LRGUK: variants seen among roughly 807,000 people sequenced by gnomAD.
LRGUK encodes leucine rich repeats and guanylate kinase domain containing.
Under a neutral mutation model 76.0 loss-of-function variants are expected in LRGUK, and 65 were observed. The observed-to-expected ratio is 0.85, with a 90% CI of 0.70 to 1.05. LRGUK has a LOEUF of 1.05. LRGUK is among the 50% of genes least tolerant of loss of function. The pLI, the probability that LRGUK is intolerant of heterozygous loss-of-function variation, is 0.00. For missense variants in LRGUK, 758 were observed against 732.8 expected (o/e 1.03, Z -0.40); for synonymous variants, 268 against 265.6 (o/e 1.01, Z -0.09).
At chr7:134,209,644 C>T in exon 16 of LRGUK, 1 of 399,276 alleles carries the variant, frequency 2.5e-6, no homozygotes, top group Non-Finnish European at 4.4e-6. Flanking sequence ...TAGGAACAAC[C>T]TCCCATCAAA....
intron 16 of LRGUK, among the ~76,000 whole-genome samples, chr7:134,229,689 A>C (rs1801848212): frequency 6.6e-6 from 1 of 152,194 alleles, no homozygotes; most frequent in Non-Finnish European, 1.5e-5. Context: ...TATGTATCTG[A>C]AAATGCTGGT....
At chr7:134,222,815 G>A (rs1801635572) in intron 16 of LRGUK, among the ~76,000 whole-genome samples, 1 of 151,924 alleles carries the variant, frequency 6.6e-6, no homozygotes, top group Non-Finnish European at 1.5e-5. Context: ...TCTTGTTGGT[G>A]AGGCTCTCCC....
chr7:134,225,125 GAAAAAAAAA>G lies in LRGUK; in HGVS notation c.1983+3223_1983+3231del, dbSNP rs769671717. ...GGCTGGGGACAGGGGAACAGAACTG[GAAAAAAAAA>G]AAAAAAAAAAAAAAACCCACTCTGT... On this transcript the variant is annotated intron_variant, in intron 16 of 19. Transcript: ENST00000285928. Among the ~76,000 whole-genome samples, 409 of 60,892 alleles carry G rather than the reference GAAAAAAAAA, an allele frequency of 6.7e-3. 1 individual carries two copies. The highest frequency in any genetic ancestry group is 0.023 in the Middle Eastern group (2 of 86). 39.9% of individuals were successfully genotyped at this position (60,892 alleles called of 152,430 possible). A position where few individuals can be genotyped will look rare whatever the true frequency, so the allele number is the denominator to read the frequency against.
chr7:134,162,826 CAAAAAAAAAAAAAA>C (rs11445116), intron 6 of LRGUK, among the ~76,000 whole-genome samples: 1 of 61,180 alleles, frequency 1.6e-5, no homozygotes, highest in African/African-American at 6.6e-5. Context: ...GACTCCTTCT[CAAAAAAAAAAAAAA>C]AAAAAAAAAA....
intron 18 of LRGUK, among the ~76,000 whole-genome samples, chr7:134,251,518 GT>G (rs1802445094): frequency 6.6e-6 from 1 of 152,168 alleles, no homozygotes; most frequent in South Asian, 2.1e-4. Flanking sequence ...ATGGTATCTT[GT>G]TATGGCAGCC....
At chr7:134,254,413 A>G (rs960725819) in intron 18 of LRGUK, among the ~76,000 whole-genome samples, 1 of 152,150 alleles carries the variant, frequency 6.6e-6, no homozygotes, top group Non-Finnish European at 1.5e-5. Context: ...GACAACACAC[A>G]TTTATTTCTC....
chr7:134,163,884 GA>G (rs2116935847), intron 7 of LRGUK, among the ~76,000 whole-genome samples: 1 of 152,252 alleles, frequency 6.6e-6, no homozygotes, highest in East Asian at 1.9e-4. Context: ...GGAGGTTGGA[GA>G]TATAAGAATA....
chr7:134,201,302 A>C (rs1800757000), intron 14 of LRGUK, among the ~76,000 whole-genome samples, 179 bp from the exon 15 acceptor site: 1 of 152,128 alleles, frequency 6.6e-6, no homozygotes, highest in Admixed American at 6.5e-5. Context: ...TTCTGCCCAC[A>C]CTTAAGGGGA....
intron 10 of LRGUK, among the ~76,000 whole-genome samples, chr7:134,183,100 G>A (rs1406873224): frequency 6.6e-6 from 1 of 152,202 alleles, no homozygotes; most frequent in Non-Finnish European, 1.5e-5. Flanking sequence ...CCAGTCTTCA[G>A]GCTTGGCAGC....
chr7:134,192,471 ATTTG>A (rs991650310), intron 12 of LRGUK, among the ~76,000 whole-genome samples: 3 of 152,148 alleles, frequency 2.0e-5, no homozygotes, highest in African/African-American at 7.2e-5. Flanking sequence ...GGGTTTTTGC[ATTTG>A]TTTGTTTTTT....
At chr7:134,268,801 A>T (rs1802908594), downstream of LRGUK, among the ~76,000 whole-genome samples, 1 of 133,020 alleles carries the variant, frequency 7.5e-6, no homozygotes, top group Non-Finnish European at 1.5e-5. Context: ...GCCATCTCCA[A>T]TCACTGCAAG....
chr7:134,158,144 C>A, exon 6 of LRGUK: 1 of 1,612,354 alleles, frequency 6.2e-7, no homozygotes, highest in South Asian at 1.1e-5. Flanking sequence ...AGTTACCAAT[C>A]AAAATACTTT....
At chr7:134,146,683 T>C (rs1235348161) in intron 4 of LRGUK, among the ~76,000 whole-genome samples, 2 of 152,248 alleles carry the variant, frequency 1.3e-5, no homozygotes, top group East Asian at 1.9e-4. Flanking sequence ...ATCAGTTTTC[T>C]ACTCTTGCCA....
At chr7:134,238,902 T>C (rs563345109) in intron 16 of LRGUK, among the ~76,000 whole-genome samples, 3 of 152,360 alleles carry the variant, frequency 2.0e-5, no homozygotes, top group Admixed American at 2.0e-4. Flanking sequence ...CTGGCTCTGT[T>C]CTTCTCTGAC....
intron 16 of LRGUK, among the ~76,000 whole-genome samples, chr7:134,247,005 A>G (rs539070577): frequency 6.6e-6 from 1 of 152,288 alleles, no homozygotes; most frequent in East Asian, 1.9e-4. Context: ...GCCTTTTGCC[A>G]CCAGACCATA....
intron 6 of LRGUK, among the ~76,000 whole-genome samples, chr7:134,158,707 T>C (rs17167525): frequency 0.13 from 19,752 of 152,186 alleles, 1,624 homozygotes; most frequent in East Asian, 0.32. Flanking sequence ...TTGATTATTT[T>C]TCCCACAGAG....
chr7:134,210,750 C>T (rs1471991307), downstream of LRGUK, among the ~76,000 whole-genome samples: 3 of 152,214 alleles, frequency 2.0e-5, no homozygotes, highest in Admixed American at 6.5e-5. Context: ...AAAGACACAC[C>T]AGCCCATCAG....
downstream of LRGUK, among the ~76,000 whole-genome samples, chr7:134,267,873 A>G (rs1802885812): frequency 1.3e-5 from 2 of 152,176 alleles, no homozygotes; most frequent in African/African-American, 4.8e-5. Context: ...CCTCAGCATC[A>G]TGCAATATGC....
At chr7:134,272,802 G>A in the LRGUK span, among the ~76,000 whole-genome samples, 2 of 152,152 alleles carry the variant, frequency 1.3e-5, no homozygotes, top group African/African-American at 4.8e-5. Context: ...TGCATCTGTG[G>A]TGAGTATGAA....
Sources: gnomAD v4.1 joint callset for allele counts (sites outside exome capture counted in the v4.1 genomes callset) on GRCh38, gnomAD v4.1.1 for gene constraint, MANE v1.5 for transcripts, NCBI Gene and HGNC (gene_info 2026-07-23, HGNC 2026-07-21) for gene names.